SLC2A13: variants seen among roughly 807,000 people sequenced by gnomAD.
The protein encoded by SLC2A13 is proton myo-inositol cotransporter.
In SLC2A13, 32 loss-of-function variants were observed where a neutral mutation model predicts 64.4. The ratio of observed to expected loss-of-function variants is 0.50; its 90% CI spans 0.37 to 0.67. The LOEUF is 0.67. Among genes scored for constraint, SLC2A13 ranks in the 30% least tolerant of loss-of-function variants. SLC2A13 has a pLI of 0.00. For missense variants in SLC2A13, 743 were observed against 829.2 expected (o/e 0.90, Z 1.28); for synonymous variants, 338 against 327.1 (o/e 1.03, Z -0.36).
At chr12:40,076,617 T>A (rs1938186085) in intron 1 of SLC2A13, among the ~76,000 whole-genome samples, 1 of 152,154 alleles carries the variant, frequency 6.6e-6, no homozygotes, top group African/African-American at 2.4e-5. Context: ...TGAACATATG[T>A]TTGCATGTGT....
intron 6 of SLC2A13, among the ~76,000 whole-genome samples, chr12:39,854,383 C>G (rs1314155851): frequency 3.9e-5 from 6 of 152,136 alleles, no homozygotes; most frequent in African/African-American, 1.4e-4. Flanking sequence ...AAAAAGCCTG[C>G]TTAGAATTAT....
At chr12:39,972,020 T>TA (rs1210530678) in intron 3 of SLC2A13, among the ~76,000 whole-genome samples, 33 of 58,452 alleles carry the variant, frequency 5.6e-4, no homozygotes, top group East Asian at 1.1e-3. Context: ...ATATATTTTT[T>TA]TTTATATAAA....
intron 1 of SLC2A13, among the ~76,000 whole-genome samples, chr12:40,101,752 G>C (rs1252484989): frequency 1.3e-5 from 2 of 151,630 alleles, no homozygotes; most frequent in Non-Finnish European, 2.9e-5. Context: ...TGATTTTTCT[G>C]TGCCTTTACA....
At chr12:39,971,341 A>C (rs1292196015) in intron 3 of SLC2A13, among the ~76,000 whole-genome samples, 1 of 152,220 alleles carries the variant, frequency 6.6e-6, no homozygotes, top group Non-Finnish European at 1.5e-5. Context: ...GAACTAAATA[A>C]AAATATAATT....
intron 1 of SLC2A13, among the ~76,000 whole-genome samples, chr12:40,085,900 A>G (rs1487673078): frequency 1.3e-5 from 2 of 151,814 alleles, no homozygotes; most frequent in Non-Finnish European, 2.9e-5. Context: ...TTTGAGACAG[A>G]GTCTCGCTCT....
chr12:39,872,060 G>A (rs1944071061), intron 4 of SLC2A13, 99 bp from the exon 5 acceptor site: 2 of 1,009,396 alleles, frequency 2.0e-6, no homozygotes, highest in Non-Finnish European at 2.7e-6. Context: ...AAAAATATAA[G>A]GAGAACTACA....
intron 6 of SLC2A13, among the ~76,000 whole-genome samples, chr12:39,858,388 T>C (rs1180559770): frequency 6.6e-6 from 1 of 152,170 alleles, no homozygotes; most frequent in African/African-American, 2.4e-5. Context: ...TCATGGTATA[T>C]TAGCTTGTGC....
chr12:39,871,876 T>C lies in SLC2A13; in HGVS notation c.1120A>G (p.Asn374Asp), dbSNP rs1326060890. Reference protein sequence around the residue: ...IWLASVTAFTNFIFTLVGVWL... With the variant: ...IWLASVTAFTDFIFTLVGVWL... ...ACTCCCACAAGTGTGAAAATGAAAT[T>C]TGTGAAGGCTGTAACTGAAGCCAGC... Residue 374 changes from asparagine (N) to aspartate (D), a missense_variant, in exon 5 of 10, where the codon AAT becomes GAT. By Grantham distance (23) the Asn-to-Asp change is conservative. Coordinates refer to ENST00000280871, the MANE Select transcript of SLC2A13 (RefSeq NM_052885.4). 1 of 1,612,180 alleles carries C rather than the reference T, an allele frequency of 6.2e-7. No homozygotes were observed. The highest frequency in any genetic ancestry group is 1.7e-5 in the Admixed American group (1 of 59,712).
At chr12:39,776,840 G>A (rs984876058) in intron 7 of SLC2A13, among the ~76,000 whole-genome samples, 2 of 152,134 alleles carry the variant, frequency 1.3e-5, no homozygotes, top group Non-Finnish European at 2.9e-5. Context: ...TTATAACAAA[G>A]TGATGGCTAG....
At chr12:39,936,581 TGCAAATAATATGAGCTCTGACTAAA>T in intron 4 of SLC2A13, among the ~76,000 whole-genome samples, 1 of 152,168 alleles carries the variant, frequency 6.6e-6, no homozygotes. Context: ...GGGATTCTGT[TGCAAATAATATGAGCTCTGACTAAA>T]GCAAGGCCTG....
At chr12:40,096,537 C>G (rs1443014790) in intron 1 of SLC2A13, among the ~76,000 whole-genome samples, 1 of 151,658 alleles carries the variant, frequency 6.6e-6, no homozygotes, top group African/African-American at 2.4e-5. Flanking sequence ...GACTCTTAAA[C>G]CAATATACTA....
In SLC2A13 at chr12:40,105,608, C is replaced by G; in HGVS notation, c.201G>C (p.Ala67=). 1 of 1,519,588 alleles carries G rather than the reference C, an allele frequency of 6.6e-7. No individual in the cohort carries two copies. Among genetic ancestry groups the G allele is most frequent in the Non-Finnish European group, 8.8e-7 (1 of 1,136,006 alleles). 94.1% of individuals were successfully genotyped at this position (1,519,588 alleles called of 1,614,324 possible). A position where few individuals can be genotyped will look rare whatever the true frequency, so the allele number is the denominator to read the frequency against. Residue 67 remains alanine (A), a synonymous_variant, in exon 1 of 10, where the codon GCG becomes GCC. Transcript: ENST00000280871. This position sits in a 1 kb window ranked among gnomAD's most constrained non-coding sequence, Gnocchi z 4.2. ...GGGGVGDLER[A]ARRQFQQDET... is the part of the protein sequence containing the mutation. ...CGTCCTGCTGGAACTGCCGCCGCGC[C>G]GCGCGCTCCAGGTCCCCGACGCCGC...
intron 4 of SLC2A13, among the ~76,000 whole-genome samples, chr12:39,877,808 A>G (rs1051158151): frequency 6.6e-6 from 1 of 152,212 alleles, no homozygotes; most frequent in Non-Finnish European, 1.5e-5. Context: ...AAAATACATC[A>G]TATTTTCCAT....
chr12:40,079,055 A>C (rs1429528415), intron 1 of SLC2A13, among the ~76,000 whole-genome samples: 1 of 152,040 alleles, frequency 6.6e-6, no homozygotes, highest in Non-Finnish European at 1.5e-5. Flanking sequence ...TCTCAATCTT[A>C]TGCATTCTTT....
chr12:39,953,318 A>C (rs955827346), intron 3 of SLC2A13, among the ~76,000 whole-genome samples: 11 of 152,200 alleles, frequency 7.2e-5, no homozygotes, highest in African/African-American at 2.4e-4. Context: ...GTTAAAAATA[A>C]ATGATGGTAG....
At chr12:40,068,764 CAA>C (rs59875265) in intron 1 of SLC2A13, among the ~76,000 whole-genome samples, 2 of 132,232 alleles carry the variant, frequency 1.5e-5, no homozygotes, top group Admixed American at 7.6e-5. Context: ...ACATACTCTA[CAA>C]AAAAAAAAAA....
intron 1 of SLC2A13, among the ~76,000 whole-genome samples, chr12:40,100,412 T>C (rs1939105248): frequency 6.6e-6 from 1 of 152,196 alleles, no homozygotes; most frequent in African/African-American, 2.4e-5. Context: ...AAAGGGCTAA[T>C]GGGTATGCTT....
At chr12:40,066,712 T>C (rs1937739929) in intron 1 of SLC2A13, among the ~76,000 whole-genome samples, 1 of 152,170 alleles carries the variant, frequency 6.6e-6, no homozygotes, top group Non-Finnish European at 1.5e-5. Flanking sequence ...GAAAGACTCA[T>C]GAGTTCATTC....
chr12:39,890,955 C>A lies in SLC2A13; in HGVS notation c.1035-18994G>T, dbSNP rs112329007. Among the ~76,000 whole-genome samples, 152 of 152,082 alleles carry A rather than the reference C, an allele frequency of 1.0e-3. 1 individual carries two copies. The highest frequency in any genetic ancestry group is 3.5e-3 in the African/African-American group (144 of 41,486). On this transcript the variant is annotated intron_variant, in intron 4 of 9. Transcript: ENST00000280871. Reference sequence around the variant, plus strand: ...TAAGTCAAAGTATACATACATGATGCAAAGTGAAATGTCATCTCTGGGGTA... The same window carrying A: ...TAAGTCAAAGTATACATACATGATGAAAAGTGAAATGTCATCTCTGGGGTA...
Sources: allele counts gnomAD v4.1 joint callset (sites outside exome capture counted in the v4.1 genomes callset), GRCh38; gene constraint gnomAD v4.1.1; non-coding constraint Gnocchi (gnomAD v3.1); transcripts MANE v1.5; gene names NCBI Gene and HGNC (gene_info 2026-07-23, HGNC 2026-07-21).